Variants in FARP1 observed in about 807,000 individuals in gnomAD.
The protein encoded by FARP1 is FERM, ARH/RhoGEF and pleckstrin domain protein 1, also known as FERM, ARHGEF and pleckstrin domain-containing protein 1.
FARP1 carries 52 observed loss-of-function variants against 128.8 expected under a neutral mutation model. The observed-to-expected ratio is 0.40, with a 90% CI of 0.32 to 0.51. FARP1 has a LOEUF of 0.51. FARP1 is among the 20% of genes least tolerant of loss of function. The probability of loss-of-function intolerance (pLI) is 0.45; values close to 1 mark genes in which losing one functional copy is unlikely to be tolerated. For missense variants in FARP1, 1,333 were observed against 1,367.9 expected, an observed-to-expected ratio of 0.97 and a Z score of 0.40; for synonymous variants, 580 against 551.8, an observed-to-expected ratio of 1.05 and a Z score of -0.72.
At chr13:98,330,407 A>T (rs1323207171) in intron 2 of FARP1, among the ~76,000 whole-genome samples, 1 of 152,226 alleles carries the variant, frequency 6.6e-6, no homozygotes, top group African/African-American at 2.4e-5. Context: ...GATAAGTCAG[A>T]TAGTAATCAT....
At chr13:98,337,971 T>C (rs2139853778) in intron 2 of FARP1, among the ~76,000 whole-genome samples, 1 of 152,322 alleles carries the variant, frequency 6.6e-6, no homozygotes, top group Non-Finnish European at 1.5e-5. Flanking sequence ...ATAATATTTT[T>C]CGAAGATCTC....
intron 1 of FARP1, among the ~76,000 whole-genome samples, chr13:98,157,853 C>T (rs1876600959): frequency 2.6e-5 from 4 of 152,326 alleles, no homozygotes; most frequent in Middle Eastern, 3.4e-3. Context: ...AAGATGAACT[C>T]TCTTAAGTGG....
At chr13:98,318,802 A>G (rs1395700186) in intron 2 of FARP1, among the ~76,000 whole-genome samples, 5 of 152,138 alleles carry the variant, frequency 3.3e-5, no homozygotes, top group South Asian at 2.1e-4. Context: ...GCAGTAGGCA[A>G]TGGGGCTGCC....
At chr13:98,206,945 G>C (rs541401858) in intron 1 of FARP1, among the ~76,000 whole-genome samples, 2 of 152,326 alleles carry the variant, frequency 1.3e-5, no homozygotes, top group Middle Eastern at 3.4e-3. Context: ...TCAGAATAGA[G>C]CATAGGTTAA....
chr13:98,157,310 TC>T (rs1418100219), intron 1 of FARP1, among the ~76,000 whole-genome samples: 15 of 151,614 alleles, frequency 9.9e-5, no homozygotes, highest in Admixed American at 9.9e-4. Context: ...ACTTCCCTCT[TC>T]CCCCTGATCA....
chr13:98,286,053 C>T (rs1178952516), intron 2 of FARP1, among the ~76,000 whole-genome samples: 4 of 152,152 alleles, frequency 2.6e-5, no homozygotes, highest in Non-Finnish European at 4.4e-5. Flanking sequence ...AATTGACTCT[C>T]TCACTGCTCA....
chr13:98,376,759 G>GTTTTTTTTT (rs34686053), intron 5 of FARP1, among the ~76,000 whole-genome samples: 6 of 103,436 alleles, frequency 5.8e-5, no homozygotes, highest in Non-Finnish European at 7.8e-5. Context: ...GGTTTTTTGT[G>GTTTTTTTTT]TTTTTTTTTT....
intron 1 of FARP1, chr13:98,177,377 T>G: frequency 1.6e-6 from 1 of 613,688 alleles, no homozygotes. Context: ...CCAGGCGCGG[T>G]GACTCACTCT....
rs1431617845 is a variant in FARP1, at chr13:98,385,735, T to C, written c.680T>C (p.Ile227Thr). ...EIARRLEMYG[I>T]RLHPAKDREG... is the part of the protein sequence containing the mutation. ...GCCCGTCGGCTAGAGATGTATGGAA[T>C]CCGGTTGCACCCGGCCAAGGACAGG... Residue 227 changes from isoleucine (I) to threonine (T), a missense_variant, in exon 8 of 27, where the codon ATC becomes ACC. Coordinates refer to ENST00000319562, the MANE Select transcript of FARP1 (RefSeq NM_005766.4). 2 of 1,614,094 alleles carry C rather than the reference T, an allele frequency of 1.2e-6. No homozygotes were observed. Among genetic ancestry groups the C allele is most frequent in the East Asian group, 2.2e-5 (1 of 44,892 alleles).
intron 2 of FARP1, among the ~76,000 whole-genome samples, chr13:98,256,521 A>C (rs1212659148): frequency 3.3e-5 from 5 of 151,612 alleles, no homozygotes; most frequent in Admixed American, 6.6e-5. Context: ...ACCTTTAAAA[A>C]TGGTAAATTT....
chr13:98,202,562 C>T (rs973724121), intron 1 of FARP1, among the ~76,000 whole-genome samples: 6 of 152,052 alleles, frequency 3.9e-5, no homozygotes, highest in African/African-American at 1.4e-4. Context: ...TTCATCTACC[C>T]GGCTTGATTG....
chr13:98,221,548 C>T (rs1441415385), intron 2 of FARP1, among the ~76,000 whole-genome samples: 1 of 152,200 alleles, frequency 6.6e-6, no homozygotes, highest in Non-Finnish European at 1.5e-5. Context: ...TTCTGCCAAG[C>T]TCGTTTACTG....
chr13:98,237,816 A>AT (rs2139431751), intron 2 of FARP1, among the ~76,000 whole-genome samples: 1 of 152,342 alleles, frequency 6.6e-6, no homozygotes, highest in East Asian at 1.9e-4. Context: ...TGAATCTAGC[A>AT]TAAGGACCAT....
chr13:98,390,626 C>T, intron 10 of FARP1, 186 bp from the exon 11 acceptor site: 1 of 547,494 alleles, frequency 1.8e-6, no homozygotes, highest in Non-Finnish European at 3.3e-6. Context: ...AGGAAAATAT[C>T]AAGAGACTGA....
chr13:98,161,837 T>C (rs1229703766), intron 1 of FARP1, among the ~76,000 whole-genome samples: 1 of 152,076 alleles, frequency 6.6e-6, no homozygotes, highest in Non-Finnish European at 1.5e-5. Flanking sequence ...TGGAGTGCAG[T>C]GGTGTGATCT....
intron 1 of FARP1, among the ~76,000 whole-genome samples, chr13:98,164,023 T>C (rs1300947770): frequency 1.3e-5 from 2 of 151,024 alleles, no homozygotes; most frequent in Non-Finnish European, 3.0e-5. Flanking sequence ...TGACCTTTTC[T>C]AAACACTTCA....
intron 1 of FARP1, among the ~76,000 whole-genome samples, chr13:98,151,864 G>A (rs1425581283): frequency 1.3e-5 from 2 of 151,416 alleles, no homozygotes; most frequent in East Asian, 3.9e-4. Flanking sequence ...GTTTCATCAT[G>A]TTGGCTAGGT....
At chr13:98,209,524 C>T (rs147506702) in intron 1 of FARP1, among the ~76,000 whole-genome samples, 2,079 of 130,328 alleles carry the variant, frequency 0.016, 84 homozygotes, top group African/African-American at 0.057. Flanking sequence ...TGGCTGGGCA[C>T]GGTGGGTCAC....
Position 98,174,240 on chromosome 13 carries a change from T to A in FARP1, c.-24+30748T>A, listed in dbSNP as rs80017822. On this transcript the variant is annotated intron_variant, in intron 1 of 26. Coordinates refer to ENST00000319562, the MANE Select transcript of FARP1 (RefSeq NM_005766.4). ...GATTATGAACCTTATTCTGTCATTTTAAAAATGGAATAAGAACTATATATC... is the reference window on the plus strand; with the variant it reads ...GATTATGAACCTTATTCTGTCATTTAAAAAATGGAATAAGAACTATATATC... 3.0e-4 allele frequency among the ~76,000 whole-genome samples: 45 copies of A among 152,314 alleles called. No individual in the cohort carries two copies. In the East Asian group the frequency reaches 8.1e-3, roughly 27 times the overall value.
Sources: gnomAD v4.1 joint callset for allele counts (sites outside exome capture counted in the v4.1 genomes callset) on GRCh38, gnomAD v4.1.1 for gene constraint, MANE v1.5 for transcripts, NCBI Gene and HGNC (gene_info 2026-07-23, HGNC 2026-07-21) for gene names.